The following RERE variants were observed in gnomAD, a reference collection of about 807,000 sequenced individuals.
RERE encodes arginine-glutamic acid dipeptide repeats.
RERE carries 40 observed loss-of-function variants against 146.1 expected under a neutral mutation model. The ratio of observed to expected loss-of-function variants is 0.27; its 90% CI spans 0.21 to 0.36. RERE has a LOEUF of 0.36. Among genes scored for constraint, RERE ranks in the 10% least tolerant of loss-of-function variants. RERE has a pLI of 1.00. For synonymous variants in RERE, 1,003 were observed against 866.0 expected (o/e 1.16, Z -2.78); for missense variants, 1,933 against 2,138.7 (o/e 0.90, Z 1.90).
At chr1:8,730,373 C>T (rs1028383785) in intron 1 of RERE, among the ~76,000 whole-genome samples, 1 of 152,022 alleles carries the variant, frequency 6.6e-6, no homozygotes, top group African/African-American at 2.4e-5. Flanking sequence ...GACAGAGTCT[C>T]GCTCTGTTGC....
intron 11 of RERE, chr1:8,465,555 C>T (rs11589090): frequency 0.16 from 57,816 of 352,400 alleles, 5,303 homozygotes; most frequent in Middle Eastern, 0.27. Context: ...AGACAAGTCA[C>T]CAACCCTACT....
intron 1 of RERE, chr1:8,750,717 G>T: frequency 1.3e-6 from 1 of 799,142 alleles, no homozygotes; most frequent in Non-Finnish European, 2.2e-6. Flanking sequence ...AGGACCAGAG[G>T]TATCAATGGT....
At chr1:8,392,741 G>A (rs1258025800) in intron 12 of RERE, among the ~76,000 whole-genome samples, 1 of 152,188 alleles carries the variant, frequency 6.6e-6, no homozygotes, top group Non-Finnish European at 1.5e-5. Context: ...TCTGCTGCAA[G>A]GTTGTGCTGA....
At position 8,757,913 on chromosome 1, in the gene RERE, C is replaced by CAT. The variant is rs1445192808; in HGVS notation, c.-145+59246_-145+59247insAT. Among the ~76,000 whole-genome samples the CAT allele has an allele frequency of 2.6e-4, 29 of 112,562 alleles. 1 individual carries two copies. The highest frequency in any genetic ancestry group is 7.2e-4 in the Admixed American group (7 of 9,748). The allele number at this position is 112,562 out of a possible 152,430, so 73.8% of individuals were successfully genotyped here. A position where few individuals can be genotyped will look rare whatever the true frequency, so the allele number is the denominator to read the frequency against. ...GTATACACACACACACACATACATA[C>CAT]ACACACACACACACACATATATATG... On this transcript the variant is annotated intron_variant, in intron 1 of 22. Coordinates refer to ENST00000400908, the MANE Select transcript of RERE (RefSeq NM_001042681.2).
intron 11 of RERE, among the ~76,000 whole-genome samples, chr1:8,459,192 G>A (rs1644492371): frequency 6.6e-6 from 1 of 152,130 alleles, no homozygotes; most frequent in Admixed American, 6.6e-5. Context: ...ATTAATAGTT[G>A]GAACTTCAGG....
chr1:8,450,578 G>A (rs1328671670), intron 11 of RERE, among the ~76,000 whole-genome samples: 2 of 151,976 alleles, frequency 1.3e-5, no homozygotes, highest in African/African-American at 2.4e-5. Flanking sequence ...CCTCTCACAC[G>A]CAGTTCTCCA....
At chr1:8,514,216 C>A (rs1645380831) in intron 7 of RERE, among the ~76,000 whole-genome samples, 3 of 152,226 alleles carry the variant, frequency 2.0e-5, no homozygotes, top group African/African-American at 7.2e-5. Flanking sequence ...TCACTTAATT[C>A]ATCTTCAAGA....
intron 1 of RERE, among the ~76,000 whole-genome samples, chr1:8,708,438 T>A (rs1173207553): frequency 6.6e-6 from 1 of 152,172 alleles, no homozygotes; most frequent in Non-Finnish European, 1.5e-5. Flanking sequence ...GCAATGCTCC[T>A]GTCTCAGCCT....
chr1:8,647,637 A>ATGTATG (rs1434460528), intron 2 of RERE, among the ~76,000 whole-genome samples: 1 of 59,326 alleles, frequency 1.7e-5, no homozygotes, highest in Non-Finnish European at 3.5e-5. Context: ...TATTTAAAAT[A>ATGTATG]TGTATGTGTG....
chr1:8,392,107 T>C (rs1642901220), intron 12 of RERE, among the ~76,000 whole-genome samples: 1 of 152,212 alleles, frequency 6.6e-6, no homozygotes, highest in African/African-American at 2.4e-5. Context: ...ACTCACACAA[T>C]GTTCAGCATT....
intron 1 of RERE, among the ~76,000 whole-genome samples, chr1:8,732,804 TTTTC>T (rs375718828): frequency 5.4e-5 from 7 of 129,854 alleles, no homozygotes; most frequent in South Asian, 4.6e-4. Context: ...AATTTTCAAT[TTTTC>T]TTTTTTTTTT....
intron 8 of RERE, among the ~76,000 whole-genome samples, chr1:8,503,137 TTGA>T (rs1287362924): frequency 6.7e-6 from 1 of 148,730 alleles, no homozygotes; most frequent in African/African-American, 2.5e-5. Flanking sequence ...TAAAAAAGAA[TTGA>T]TGAGTCAACC....
intron 2 of RERE, among the ~76,000 whole-genome samples, chr1:8,654,590 C>G (rs1318720584): frequency 3.3e-5 from 5 of 151,944 alleles, no homozygotes; most frequent in African/African-American, 9.7e-5. Flanking sequence ...AATGATTTCA[C>G]CTAGGTTTTA....
intron 1 of RERE, among the ~76,000 whole-genome samples, chr1:8,733,112 C>T (rs544731858): frequency 7.2e-5 from 11 of 152,168 alleles, no homozygotes; most frequent in African/African-American, 2.4e-4. Context: ...TGAGCCACCA[C>T]GCCCAGCCCG....
At chr1:8,722,265 T>C (rs1015861308) in intron 1 of RERE, among the ~76,000 whole-genome samples, 4 of 152,252 alleles carry the variant, frequency 2.6e-5, no homozygotes, top group Admixed American at 1.3e-4. Context: ...CCCATCTACC[T>C]TCCCCTTGGC....
At chr1:8,392,444 A>G (rs928690004) in intron 12 of RERE, among the ~76,000 whole-genome samples, 1 of 152,228 alleles carries the variant, frequency 6.6e-6, no homozygotes, top group African/African-American at 2.4e-5. Flanking sequence ...CTATCTATCT[A>G]GATAAAAACA....
chr1:8,729,163 C>A (rs1380110073), intron 1 of RERE, among the ~76,000 whole-genome samples: 2 of 141,242 alleles, frequency 1.4e-5, no homozygotes, highest in African/African-American at 4.9e-5. Flanking sequence ...GAGTGAGACT[C>A]CATCTCAATC....
intron 1 of RERE, among the ~76,000 whole-genome samples, chr1:8,675,365 T>C (rs1197705050): frequency 1.3e-5 from 2 of 151,938 alleles, no homozygotes; most frequent in Non-Finnish European, 2.9e-5. Flanking sequence ...GTATCAGAAT[T>C]GTGCAGAAAA....
intron 7 of RERE, among the ~76,000 whole-genome samples, chr1:8,517,576 A>G (rs1427092904): frequency 6.6e-6 from 1 of 152,220 alleles, no homozygotes; most frequent in Non-Finnish European, 1.5e-5. Context: ...TTCAGCCTAC[A>G]TTATTCTACA....
Sources: allele counts gnomAD v4.1 joint callset (sites outside exome capture counted in the v4.1 genomes callset), GRCh38; gene constraint gnomAD v4.1.1; transcripts MANE v1.5; gene names NCBI Gene and HGNC (gene_info 2026-07-23, HGNC 2026-07-21).